Variants in CENPI observed in about 807,000 individuals in gnomAD.
CENPI encodes the protein centromere protein I.
In CENPI, 4 loss-of-function variants were observed where a neutral mutation model predicts 60.4. That is an observed-to-expected ratio of 0.07 (90% CI 0.03 to 0.15). The LOEUF (loss-of-function observed/expected upper bound fraction) is 0.15. CENPI is among the 10% of genes least tolerant of loss of function. The pLI, the probability that CENPI is intolerant of heterozygous loss-of-function variation, is 1.00. For missense variants in CENPI, 444 were observed against 534.5 expected (o/e 0.83, Z 1.67); for synonymous variants, 157 against 189.4 (o/e 0.83, Z 1.40).
At chrX:101,143,760 C>A (rs1345606340) in intron 16 of CENPI, among the ~76,000 whole-genome samples, 1 of 111,880 alleles carries the variant, frequency 8.9e-6, no homozygotes, top group Admixed American at 9.5e-5. Flanking sequence ...AACTCTTGAC[C>A]TCAGGTGATC....
At chrX:101,152,632 C>T (rs768654262) in intron 20 of CENPI, among the ~76,000 whole-genome samples, 2 of 109,480 alleles carry the variant, frequency 1.8e-5, no homozygotes, top group Non-Finnish European at 3.8e-5. Context: ...GTCTCTAACT[C>T]CTGACCTCAG....
chrX:101,158,393 T>A (rs931069501), intron 20 of CENPI, among the ~76,000 whole-genome samples: 1 of 107,021 alleles, frequency 9.3e-6, no homozygotes, highest in African/African-American at 3.4e-5. Flanking sequence ...TTCTCCTGTT[T>A]CAGCCTCCCG....
In CENPI at chrX:101,165,265, A is replaced by C. The variant is rs2090139496; in HGVS notation, c.*2298A>C. On this transcript the variant is annotated 3_prime_UTR_variant, in exon 22 of 22. Coordinates refer to ENST00000682095, the MANE Select transcript of CENPI (RefSeq NM_001386188.2). The stretch of plus-strand genomic sequence containing the variant: ...CTACAATGTCAAGGTTAGACTGAAG[A>C]AGATTAAAGAGGAAAGCAGAGACTG... Among the ~76,000 whole-genome samples, 3 of 111,906 alleles carry C rather than the reference A, an allele frequency of 2.7e-5. No individual in the cohort carries two copies. The highest frequency in any genetic ancestry group is 1.9e-4 in the Admixed American group (2 of 10,527).
chrX:101,138,179 C>T (rs753088369), intron 15 of CENPI, among the ~76,000 whole-genome samples: 1 of 99,800 alleles, frequency 1.0e-5, no homozygotes, highest in Non-Finnish European at 2.0e-5. Flanking sequence ...GTAGAGATGG[C>T]GTTTCACCAT....
chrX:101,181,327 G>A, the CENPI span, among the ~76,000 whole-genome samples: 9 of 112,031 alleles, frequency 8.0e-5, 1 homozygote, highest in South Asian at 3.3e-3. Flanking sequence ...GGATTAGCTT[G>A]TCAATTTCTG....
At chrX:101,146,872 T>A (rs758533896) in intron 18 of CENPI, among the ~76,000 whole-genome samples, 5 of 110,680 alleles carry the variant, frequency 4.5e-5, no homozygotes, top group Non-Finnish European at 9.5e-5. Flanking sequence ...GTAGCTGGGA[T>A]TACAGGCGCC....
intron 5 of CENPI, 64 bp from the exon 6 acceptor site, chrX:101,109,827 C>A: frequency 1.3e-6 from 1 of 788,929 alleles, no homozygotes; most frequent in Non-Finnish European, 1.9e-6. Context: ...GGACGGGGGG[C>A]GGAATTAAAC....
chrX:101,132,656 G>A (rs976497289), intron 15 of CENPI, among the ~76,000 whole-genome samples, 200 bp downstream of exon 15: 1 of 111,707 alleles, frequency 9.0e-6, no homozygotes, highest in African/African-American at 3.2e-5. Flanking sequence ...CAGTTTTCCT[G>A]ACCTGTTTCC....
intron 16 of CENPI, among the ~76,000 whole-genome samples, chrX:101,142,843 C>A (rs1183229005): frequency 9.0e-6 from 1 of 110,862 alleles, no homozygotes; most frequent in Non-Finnish European, 1.9e-5. Context: ...GAGGCTGAGG[C>A]CAGCGGATCA....
At chrX:101,154,315 C>A (rs1047457483) in intron 20 of CENPI, among the ~76,000 whole-genome samples, 11 of 111,571 alleles carry the variant, frequency 9.9e-5, no homozygotes, top group African/African-American at 3.6e-4. Flanking sequence ...CACCTGTAAT[C>A]CTAGCACTTT....
intron 15 of CENPI, among the ~76,000 whole-genome samples, chrX:101,134,095 G>C (rs1357338947): frequency 2.7e-5 from 3 of 111,584 alleles, no homozygotes; most frequent in Non-Finnish European, 5.6e-5. Flanking sequence ...GTTTATAGAT[G>C]GAGTCGAAGG....
At chrX:101,146,306 A>G in intron 18 of CENPI, 29 bp downstream of exon 18, 1 of 1,160,319 alleles carries the variant, frequency 8.6e-7, no homozygotes, top group Non-Finnish European at 1.2e-6. Flanking sequence ...ATTTTATGAA[A>G]CAGTGTATTA....
chrX:101,119,893 G>T (rs1308419844), intron 6 of CENPI, among the ~76,000 whole-genome samples: 1 of 111,686 alleles, frequency 9.0e-6, no homozygotes, highest in Non-Finnish European at 1.9e-5. Context: ...AGTGGCTCAT[G>T]CCTGTAATCC....
Position 101,163,184 on chromosome X carries a change from C to A in CENPI, c.*217C>A. ...TTTTAGCCTACCAGTGAAAAATGAC[C>A]CCTTCATCATCAGGCTCTGCGTTCT... is the stretch of plus-strand genomic sequence containing the variant. On this transcript the variant is annotated 3_prime_UTR_variant, in exon 22 of 22. Coordinates refer to ENST00000682095, the MANE Select transcript of CENPI (RefSeq NM_001386188.2). 1 of 350,332 alleles carries A rather than the reference C, an allele frequency of 2.9e-6. No homozygotes were observed. The highest frequency in any genetic ancestry group is 4.9e-6 in the Non-Finnish European group (1 of 204,543). 28.9% of individuals were successfully genotyped at this position (350,332 alleles called of 1,213,427 possible). A position where few individuals can be genotyped will look rare whatever the true frequency, so the allele number is the denominator to read the frequency against.
At position 101,132,852 on chromosome X, in the gene CENPI, A is replaced by G. The variant is rs530010367; in HGVS notation, c.1470+396A>G. ...TGACACTGGGAATATAGTAGTGACC[A>G]AAGCAAACAAAACTCCCTGTGACAT... On this transcript the variant is annotated intron_variant, in intron 15 of 21. Coordinates refer to ENST00000682095, the MANE Select transcript of CENPI (RefSeq NM_001386188.2). 6.3e-5 allele frequency among the ~76,000 whole-genome samples: 7 copies of G among 111,942 alleles called. No individual in the cohort carries two copies. In the South Asian group the frequency reaches 2.6e-3, roughly 42 times the overall value.
downstream of CENPI, among the ~76,000 whole-genome samples, chrX:101,167,535 A>G (rs777257835): frequency 3.6e-5 from 4 of 111,858 alleles, no homozygotes; most frequent in African/African-American, 1.3e-4. Context: ...AGCTTCATGG[A>G]CTAGGTTAAA....
intron 8 of CENPI, among the ~76,000 whole-genome samples, chrX:101,125,446 G>C (rs1368418966): frequency 1.8e-5 from 2 of 110,901 alleles, no homozygotes; most frequent in Non-Finnish European, 3.8e-5. Flanking sequence ...ACCTAGGCTG[G>C]AGTACAGTGA....
rs770539731 is a variant in CENPI at position 101,163,064 on chromosome X, C to T, written c.*97C>T. 5 of 896,250 alleles carry T rather than the reference C, an allele frequency of 5.6e-6. No individual in the cohort carries two copies. In the African/African-American group the frequency reaches 6.0e-5, roughly 11 times the overall value. The allele number at this position is 896,250 out of a possible 1,213,427, so 73.9% of individuals were successfully genotyped here. On this transcript the variant is annotated 3_prime_UTR_variant, in exon 22 of 22. Transcript: ENST00000682095. Reference sequence around the variant, plus strand: ...TGAGTTCCCATTTTCATTTCACTGACAGACTGCCATCCTCAAGGAGTACTC... The same window carrying T: ...TGAGTTCCCATTTTCATTTCACTGATAGACTGCCATCCTCAAGGAGTACTC...
In CENPI at chrX:101,140,757, C is replaced by T. The variant is rs1343022762; in HGVS notation, c.1562C>T (p.Pro521Leu). ...DIHMKPVTNS[P>L]LETTLGGSMN... ...CACATGAAACCTGTTACAAACAGTC[C>T]TCTGTGAGTTATCTAACGGTCTTCC... Residue 521 changes from proline (P) to leucine (L), a missense_variant, in exon 16 of 22, where the codon CCT becomes CTT. Pro to Leu is a moderately conservative substitution (Grantham distance 98). Transcript: ENST00000682095. 1 of 1,155,034 alleles carries T rather than the reference C, an allele frequency of 8.7e-7. No homozygotes were observed. Among genetic ancestry groups the T allele is most frequent in the East Asian group, 3.0e-5 (1 of 33,609 alleles).
Sources: gnomAD v4.1 joint callset for allele counts (sites outside exome capture counted in the v4.1 genomes callset) on GRCh38, gnomAD v4.1.1 for gene constraint, MANE v1.5 for transcripts, NCBI Gene and HGNC (gene_info 2026-07-23, HGNC 2026-07-21) for gene names.